Variants in HIVEP3 observed in about 807,000 individuals in gnomAD.
The protein encoded by HIVEP3 is HIVEP zinc finger 3.
Under a neutral mutation model 152.8 loss-of-function variants are expected in HIVEP3, and 49 were observed. The observed-to-expected ratio is 0.32, with a 90% confidence interval of 0.26 to 0.41. HIVEP3 has a LOEUF of 0.41. Among genes scored for constraint, HIVEP3 ranks in the 10% least tolerant of loss-of-function variants. The pLI, the probability that HIVEP3 is intolerant of heterozygous loss-of-function variation, is 1.00. For missense variants in HIVEP3, 2,790 were observed against 3,103.3 expected, an observed-to-expected ratio of 0.90 and a Z score of 2.40; for synonymous variants, 1,269 against 1,289.0, an observed-to-expected ratio of 0.98 and a Z score of 0.33.
At chr1:41,863,130 G>A (rs1195971367) in intron 1 of HIVEP3, among the ~76,000 whole-genome samples, 5 of 152,218 alleles carry the variant, frequency 3.3e-5, no homozygotes, top group Admixed American at 1.3e-4. Flanking sequence ...CAGACGCAGA[G>A]TCATCTGTGC....
intron 1 of HIVEP3, among the ~76,000 whole-genome samples, chr1:41,741,548 C>A (rs1177410317): frequency 3.9e-5 from 6 of 152,218 alleles, no homozygotes; most frequent in African/African-American, 1.4e-4. Context: ...CTAATCCTCA[C>A]CCCCATCCTT....
intron 1 of HIVEP3, among the ~76,000 whole-genome samples, chr1:42,006,172 C>A (rs1049824442): frequency 1.3e-5 from 2 of 152,054 alleles, no homozygotes; most frequent in African/African-American, 4.8e-5. Context: ...CAAGATATGA[C>A]AGAAGACCAA....
chr1:41,937,959 C>G lies in HIVEP3; in HGVS notation n.120-19435G>C, dbSNP rs555682532. Reference sequence around the variant, plus strand: ...GTATTCTATATGTGGACAAATCAACCATTGTTTTTATCTGTTAACACCACT... The same window carrying G: ...GTATTCTATATGTGGACAAATCAACGATTGTTTTTATCTGTTAACACCACT... On this transcript the variant is annotated intron_variant and non_coding_transcript_variant, in intron 1 of 3. Coordinates refer to the HIVEP3 transcript ENST00000489103. Among the ~76,000 whole-genome samples, 6 of 152,292 alleles carry G rather than the reference C, an allele frequency of 3.9e-5. No homozygotes were observed. The South Asian group carries it at 1.2e-3, about 32-fold the overall frequency.
intron 2 of HIVEP3, among the ~76,000 whole-genome samples, chr1:41,652,661 G>A (rs1038751267): frequency 6.6e-6 from 1 of 152,072 alleles, no homozygotes; most frequent in East Asian, 1.9e-4. Flanking sequence ...CAAATCAGAG[G>A]GTGTCCCCAC....
At chr1:41,980,812 C>T (rs192344002) in intron 1 of HIVEP3, among the ~76,000 whole-genome samples, 331 of 152,220 alleles carry the variant, frequency 2.2e-3, no homozygotes, top group African/African-American at 7.2e-3. Flanking sequence ...CACATGTCAG[C>T]GACAAGAAGT....
chr1:41,658,579 C>A (rs1016730635), intron 2 of HIVEP3, among the ~76,000 whole-genome samples: 7 of 152,198 alleles, frequency 4.6e-5, no homozygotes, highest in African/African-American at 1.2e-4. Context: ...CACTTCACCC[C>A]CCCCATGAGC....
chr1:41,742,265 T>C lies in HIVEP3; in HGVS notation c.-800-41270A>G, dbSNP rs1647008480. 2.0e-5 allele frequency among the ~76,000 whole-genome samples: 3 copies of C among 152,186 alleles called. No individual in the cohort carries two copies. The South Asian group carries it at 6.2e-4, about 32-fold the overall frequency. ...ATCCATCCATCTGTCCATTATTCCA[T>C]CCACCCATCCTTTCATTCATCCACT... On this transcript the variant is annotated intron_variant, in intron 1 of 8. Coordinates refer to ENST00000372583, the MANE Select transcript of HIVEP3 (RefSeq NM_024503.5).
At chr1:41,545,764 C>T (rs565368355) in intron 5 of HIVEP3, among the ~76,000 whole-genome samples, 4 of 148,616 alleles carry the variant, frequency 2.7e-5, no homozygotes, top group African/African-American at 7.5e-5. Context: ...ACCACCACCA[C>T]TACCATCACC....
chr1:41,859,758 T>G (rs577691565), intron 1 of HIVEP3, among the ~76,000 whole-genome samples: 41 of 152,236 alleles, frequency 2.7e-4, no homozygotes, highest in Non-Finnish European at 4.1e-4. Context: ...AACCTTTCAT[T>G]GTTCTAATTT....
chr1:41,594,713 A>AT (rs1415680380), intron 3 of HIVEP3, among the ~76,000 whole-genome samples: 4 of 151,606 alleles, frequency 2.6e-5, no homozygotes, highest in Non-Finnish European at 4.4e-5. Context: ...GCTGTACAGA[A>AT]TTTTTTTTTG....
At chr1:41,585,577 T>C (rs1644492707) in intron 3 of HIVEP3, among the ~76,000 whole-genome samples, 2 of 152,098 alleles carry the variant, frequency 1.3e-5, no homozygotes, top group African/African-American at 4.8e-5. Flanking sequence ...ACTGTGGCCA[T>C]GTGGGATGCT....
intron 1 of HIVEP3, among the ~76,000 whole-genome samples, chr1:41,757,353 G>A (rs184211037): frequency 1.3e-3 from 197 of 151,960 alleles, no homozygotes; most frequent in Non-Finnish European, 2.4e-3. Flanking sequence ...TCCTGACGTC[G>A]TGATCCACCC....
chr1:41,946,569 C>T (rs1645076261), intron 1 of HIVEP3, among the ~76,000 whole-genome samples: 1 of 152,110 alleles, frequency 6.6e-6, no homozygotes, highest in African/African-American at 2.4e-5. Context: ...GCCTGAAAGC[C>T]CCACTCGCTT....
At chr1:41,924,486 T>A (rs536484060) in intron 1 of HIVEP3, among the ~76,000 whole-genome samples, 1 of 152,270 alleles carries the variant, frequency 6.6e-6, no homozygotes, top group East Asian at 1.9e-4. Flanking sequence ...TGCTAAATTA[T>A]TTATATATCT....
At chr1:41,896,480 A>T (rs1644528983) in intron 1 of HIVEP3, among the ~76,000 whole-genome samples, 1 of 152,210 alleles carries the variant, frequency 6.6e-6, no homozygotes. Flanking sequence ...CCACTTGGCC[A>T]GAGCTGAAAT....
intron 5 of HIVEP3, among the ~76,000 whole-genome samples, chr1:41,527,162 TCACA>T (rs1175890245): frequency 1.7e-5 from 1 of 57,588 alleles, no homozygotes; most frequent in Non-Finnish European, 3.6e-5. Context: ...GCTCATCCTC[TCACA>T]CACCCACACA....
chr1:41,669,135 C>G (rs539792140), intron 2 of HIVEP3, among the ~76,000 whole-genome samples: 1 of 152,304 alleles, frequency 6.6e-6, no homozygotes, highest in African/African-American at 2.4e-5. Context: ...ACTTGCTCCT[C>G]AAACCCACCC....
chr1:41,941,819 T>C (rs933718636), intron 1 of HIVEP3, among the ~76,000 whole-genome samples: 1 of 152,172 alleles, frequency 6.6e-6, no homozygotes, highest in African/African-American at 2.4e-5. Flanking sequence ...AAGCCATAGA[T>C]CAGGGCTGGG....
At chr1:41,768,192 A>G (rs934061699) in intron 1 of HIVEP3, among the ~76,000 whole-genome samples, 1 of 152,256 alleles carries the variant, frequency 6.6e-6, no homozygotes, top group Admixed American at 6.5e-5. Flanking sequence ...ACAGTTCCAC[A>G]TGACTAGGGA....
Sources: gnomAD v4.1 joint callset for allele counts (sites outside exome capture counted in the v4.1 genomes callset) on GRCh38, gnomAD v4.1.1 for gene constraint, MANE v1.5 for transcripts, NCBI Gene and HGNC (gene_info 2026-07-23, HGNC 2026-07-21) for gene names.